Variants in PABPC1L observed in about 807,000 individuals in gnomAD.
PABPC1L encodes polyadenylate-binding protein 1-like.
A neutral mutation model predicts 66.6 loss-of-function variants in PABPC1L; 31 were observed. The observed-to-expected ratio is 0.47, with a 90% CI of 0.35 to 0.63. The LOEUF is 0.63. PABPC1L is among the 20% of genes least tolerant of loss of function. The probability of loss-of-function intolerance (pLI) is 0.00; values close to 1 mark genes in which losing one functional copy is unlikely to be tolerated. For missense variants in PABPC1L, 722 were observed against 848.8 expected (o/e 0.85, Z 1.86); for synonymous variants, 348 against 335.1 (o/e 1.04, Z -0.42).
intron 3 of PABPC1L, among the ~76,000 whole-genome samples, chr20:44,918,221 A>T (rs2425681): frequency 0.42 from 63,486 of 152,008 alleles, 13,837 homozygotes; most frequent in African/African-American, 0.53. Context: ...AGCTACTTGG[A>T]AGGCTGAGTG....
chr20:44,917,273 C>G (rs1296263591), intron 3 of PABPC1L, among the ~76,000 whole-genome samples: 1 of 152,068 alleles, frequency 6.6e-6, no homozygotes. Flanking sequence ...GCCTTGACCT[C>G]CTTGGCTCAA....
intron 2 of PABPC1L, among the ~76,000 whole-genome samples, chr20:44,915,972 A>G (rs2066735192): frequency 6.6e-6 from 1 of 152,148 alleles, no homozygotes; most frequent in African/African-American, 2.4e-5. Context: ...AAAATTTCCA[A>G]TGTGTAGATG....
chr20:44,915,495 G>C (rs2066731880), intron 2 of PABPC1L, among the ~76,000 whole-genome samples: 1 of 152,062 alleles, frequency 6.6e-6, no homozygotes, highest in Non-Finnish European at 1.5e-5. Context: ...ATAGGATATT[G>C]TGCATCTTTA....
intron 12 of PABPC1L, chr20:44,937,796 A>G: frequency 2.3e-6 from 1 of 442,128 alleles, no homozygotes. Flanking sequence ...CACTTTCTTC[A>G]TGGGACGATC....
At chr20:44,920,614 G>A (rs1348735283) in intron 5 of PABPC1L, among the ~76,000 whole-genome samples, 2 of 150,870 alleles carry the variant, frequency 1.3e-5, no homozygotes, top group African/African-American at 4.9e-5. Flanking sequence ...GACTACAGGC[G>A]CCCGCCACCA....
At chr20:44,922,637 A>C (rs2425687) in intron 6 of PABPC1L, among the ~76,000 whole-genome samples, 64,011 of 151,976 alleles carry the variant, frequency 0.42, 14,110 homozygotes, top group African/African-American at 0.55. Flanking sequence ...TCCCAAAGTT[A>C]TGGGATTACA....
intron 7 of PABPC1L, among the ~76,000 whole-genome samples, chr20:44,928,944 A>G (rs1345234130): frequency 6.6e-6 from 1 of 150,804 alleles, no homozygotes; most frequent in Non-Finnish European, 1.5e-5. Flanking sequence ...TATGGGCTGT[A>G]TGAGCCAGGC....
intron 2 of PABPC1L, among the ~76,000 whole-genome samples, chr20:44,915,096 G>A (rs954621740): frequency 6.6e-6 from 1 of 152,238 alleles, no homozygotes; most frequent in African/African-American, 2.4e-5. Context: ...GAGAGGTGGA[G>A]GGGTATGTGC....
At position 44,916,854 on chromosome 20, in the gene PABPC1L, G is replaced by C. The variant is rs1439896070; in HGVS notation, c.486G>C (p.Leu162=). 3 of 1,614,134 alleles carry C rather than the reference G, an allele frequency of 1.9e-6. No individual in the cohort carries two copies. Among genetic ancestry groups the C allele is most frequent in the Non-Finnish European group, 2.5e-6 (3 of 1,180,010 alleles). The part of the protein sequence containing the change: ...QQAINTMNGM[L]LNDRKVFVGH... ...CCATCAACACCATGAATGGGATGCTGCTGAATGACCGCAAAGTGTGAGTGG... is the reference window on the plus strand; with the variant it reads ...CCATCAACACCATGAATGGGATGCTCCTGAATGACCGCAAAGTGTGAGTGG... The change falls in exon 3 of 15, where the codon CTG becomes CTC. Residue 162 remains leucine, a synonymous_variant. Coordinates refer to ENST00000217073, the MANE Select transcript of PABPC1L (RefSeq NM_001372179.1).
intron 13 of PABPC1L, 37 bp from the exon 14 acceptor site, chr20:44,938,637 A>G (rs769214094): frequency 1.3e-6 from 2 of 1,573,740 alleles, no homozygotes; most frequent in Admixed American, 3.7e-5. Context: ...CTGCTAAGAT[A>G]GCTGCACTAA....
At position 44,912,729 on chromosome 20, in the gene PABPC1L, A is replaced by G. The variant is rs1349240916; in HGVS notation, c.263A>G (p.Gln88Arg). The change falls in exon 2 of 15, where the codon CAG (glutamine) becomes CGG (arginine). Residue 88 changes from glutamine to arginine, a missense_variant. By Grantham distance (43) the Gln-to-Arg change is conservative. Coordinates refer to ENST00000217073, the MANE Select transcript of PABPC1L (RefSeq NM_001372179.1). The part of the protein sequence containing the change: ...KGQPIRIMWS[Q>R]RDPGLRKSGV... Reference sequence around the variant, plus strand: ...CAGCCTATTCGCATCATGTGGTCCCAGCGAGACCCAGGACTTCGCAAGTCA... The same window carrying G: ...CAGCCTATTCGCATCATGTGGTCCCGGCGAGACCCAGGACTTCGCAAGTCA... 4.3e-6 allele frequency: 7 copies of G among 1,614,192 alleles called. No individual in the cohort carries two copies. The highest frequency in any genetic ancestry group is 5.9e-6 in the Non-Finnish European group (7 of 1,179,996).
chr20:44,938,651 C>T (rs758904689), intron 13 of PABPC1L, 23 bp from the exon 14 acceptor site: 10 of 1,590,022 alleles, frequency 6.3e-6, no homozygotes, highest in African/African-American at 2.7e-5. Flanking sequence ...GCACTAAGCC[C>T]CCCCGCCACT....
In PABPC1L at chr20:44,916,871, T is replaced by C; in HGVS notation, c.503T>C (p.Val168Ala). The C allele has an allele frequency of 6.2e-7, 1 of 1,613,718 alleles. No individual in the cohort carries two copies. Among genetic ancestry groups the C allele is most frequent in the Non-Finnish European group, 8.5e-7 (1 of 1,179,824 alleles). The change falls in exon 3 of 15, where the codon GTC (valine) becomes GCC (alanine). Residue 168 changes from valine (V) to alanine (A), a missense_variant and splice_region_variant. By Grantham distance (64) the Val-to-Ala change is moderately conservative. Coordinates refer to ENST00000217073, the MANE Select transcript of PABPC1L (RefSeq NM_001372179.1). ...MNGMLLNDRKVFVGHFKSRRE... is the reference protein window; with the variant it reads ...MNGMLLNDRKAFVGHFKSRRE... ...GGGATGCTGCTGAATGACCGCAAAG[T>C]GTGAGTGGCTGGGCCCGAGGGAGGG...
intron 7 of PABPC1L, among the ~76,000 whole-genome samples, chr20:44,925,210 CAA>C (rs34623911): frequency 5.3e-5 from 4 of 75,482 alleles, no homozygotes; most frequent in Non-Finnish European, 7.9e-5. Flanking sequence ...GACTCTGTCT[CAA>C]AAAAAAAAAA....
intron 6 of PABPC1L, among the ~76,000 whole-genome samples, chr20:44,923,881 C>T (rs1478659105): frequency 6.6e-6 from 1 of 152,142 alleles, no homozygotes; most frequent in Non-Finnish European, 1.5e-5. Context: ...GGGACATCCT[C>T]GTGGGCCCCA....
Position 44,910,336 on chromosome 20 carries a change from G to C in PABPC1L, c.193G>C (p.Ala65Pro). The stretch of plus-strand genomic sequence containing the variant: ...CATCAACTTCCAGCAGCCCGCGGAC[G>C]GTGAGCCCCGGGGATGGGGCGGGAG... ...AYINFQQPAD[A>P]ERALDTMNFE... The change falls in exon 1 of 15, where the codon GCG (alanine) becomes CCG (proline). Residue 65 changes from alanine (A) to proline (P), a missense_variant and splice_region_variant. Ala to Pro is a conservative substitution (Grantham distance 27). Transcript: ENST00000217073. 4 of 1,504,582 alleles carry C rather than the reference G, an allele frequency of 2.7e-6. No homozygotes were observed. The highest frequency in any genetic ancestry group is 3.6e-6 in the Non-Finnish European group (4 of 1,119,090). 93.2% of individuals were successfully genotyped at this position (1,504,582 alleles called of 1,614,324 possible).
At position 44,921,647 on chromosome 20, in the gene PABPC1L, C is replaced by G; in HGVS notation, c.792C>G (p.Gly264=). The G allele has an allele frequency of 6.2e-7, 1 of 1,613,982 alleles. No individual in the cohort carries two copies. Among genetic ancestry groups the G allele is most frequent in the Non-Finnish European group, 8.5e-7 (1 of 1,179,978 alleles). ...TGAGCGGGCGGCTGCTGTACGCGGG[C>G]CGGGCCCAAAAGCGCGTGGAGCGGC... ...KEVSGRLLYA[G]RAQKRVERQN... Residue 264 remains glycine (G), a synonymous_variant, in exon 6 of 15, where the codon GGC becomes GGG. Coordinates refer to ENST00000217073, the MANE Select transcript of PABPC1L (RefSeq NM_001372179.1).
At chr20:44,939,055 C>A in intron 14 of PABPC1L, 71 bp from the exon 15 acceptor site, 1 of 716,330 alleles carries the variant, frequency 1.4e-6, no homozygotes, top group East Asian at 2.7e-5. Context: ...CAGGATGTAA[C>A]CACCTTCTTT....
chr20:44,936,816 C>A, intron 12 of PABPC1L, 86 bp downstream of exon 12: 1 of 1,345,604 alleles, frequency 7.4e-7, no homozygotes, highest in Non-Finnish European at 1.0e-6. Flanking sequence ...ACCTGGTGGT[C>A]CAACGTGAGG....
Sources: allele counts gnomAD v4.1 joint callset (sites outside exome capture counted in the v4.1 genomes callset), GRCh38; gene constraint gnomAD v4.1.1; transcripts MANE v1.5; gene names NCBI Gene and HGNC (gene_info 2026-07-23, HGNC 2026-07-21).